Variants in RAD9A observed in about 807,000 individuals in gnomAD.
RAD9A encodes the protein cell cycle checkpoint control protein RAD9A.
Under a neutral mutation model 41.2 loss-of-function variants are expected in RAD9A, and 25 were observed. That is an observed-to-expected ratio of 0.61 (90% CI 0.44 to 0.85). The LOEUF (loss-of-function observed/expected upper bound fraction) is 0.85, where lower values mean the gene tolerates loss of function less well. Among genes scored for constraint, RAD9A ranks in the 40% least tolerant of loss-of-function variants. RAD9A has a pLI of 0.00. For synonymous variants in RAD9A, 252 were observed against 210.6 expected (o/e 1.20, Z -1.70); for missense variants, 514 against 518.3 (o/e 0.99, Z 0.08).
Position 67,395,937 on chromosome 11 carries a change from T to C in RAD9A, c.585T>C (p.Thr195=). 2 of 1,614,176 alleles carry C rather than the reference T, an allele frequency of 1.2e-6. No homozygotes were observed. The highest frequency in any genetic ancestry group is 1.7e-6 in the Non-Finnish European group (2 of 1,180,026). Residue 195 remains threonine, a synonymous_variant, in exon 7 of 11, where the codon ACT becomes ACC. Transcript: ENST00000307980. ...EADSTAKAMV[T]EMCLGEEDFQ... ...ACAGCACTGCCAAAGCCATGGTGAC[T>C]GAGATGTGCCTTGGAGAGGAGGATT...
At chr11:67,395,607 G>T in intron 5 of RAD9A, 109 bp from the exon 6 acceptor site, 1 of 821,614 alleles carries the variant, frequency 1.2e-6, no homozygotes, top group Non-Finnish European at 1.9e-6. Flanking sequence ...GGTGCGCTAG[G>T]CCTGCGCACA....
chr11:67,397,133 C>T (rs1862728102), intron 9 of RAD9A, 46 bp from the exon 10 acceptor site: 3 of 1,480,240 alleles, frequency 2.0e-6, no homozygotes, highest in East Asian at 2.3e-5. Context: ...GGGGCCCTGC[C>T]TCTGCTCCCC....
intron 5 of RAD9A, 116 bp downstream of exon 5, chr11:67,393,906 C>G (rs1329837355): frequency 5.6e-6 from 5 of 888,584 alleles, no homozygotes; most frequent in Non-Finnish European, 8.3e-6. Flanking sequence ...TTTCTGTGAA[C>G]CTCAAAGACA....
intron 2 of RAD9A, 82 bp from the exon 3 acceptor site, chr11:67,392,572 A>G (rs910012230): frequency 2.1e-5 from 32 of 1,552,838 alleles, no homozygotes; most frequent in African/African-American, 1.4e-5. Context: ...CGATAGGGCA[A>G]GTGTGTGAGC....
intron 2 of RAD9A, 28 bp downstream of exon 2, chr11:67,392,259 T>TTGGTGGGGGGGGGGGGGG: frequency 2.1e-6 from 1 of 484,302 alleles, no homozygotes; most frequent in Non-Finnish European, 4.1e-6. Flanking sequence ...GGGGGGCGGG[T>TTGGTGGGGGGGGGGGGGG]GGGACTCCAG....
At chr11:67,392,977 C>A in intron 3 of RAD9A, 195 bp downstream of exon 3, 1 of 852,222 alleles carries the variant, frequency 1.2e-6, no homozygotes, top group Non-Finnish European at 1.7e-6. Context: ...TCAAGTTCGT[C>A]AAGAAAGGTA....
chr11:67,392,062 G>A lies in RAD9A; in HGVS notation c.18G>A (p.Thr6=), dbSNP rs757856649. 37 of 1,583,702 alleles carry A rather than the reference G, an allele frequency of 2.3e-5. No homozygotes were observed. Among genetic ancestry groups the A allele is most frequent in the Non-Finnish European group, 1.2e-5 (14 of 1,166,900 alleles). Reference sequence around the variant, plus strand: ...GGGGCAGCATGAAGTGCCTGGTCACGGGCGGCAACGTGAAGGGTGAGTGCA... The same window carrying A: ...GGGGCAGCATGAAGTGCCTGGTCACAGGCGGCAACGTGAAGGGTGAGTGCA... MKCLV[T]GGNVKVLGKA... is the part of the protein sequence containing the mutation. Residue 6 remains threonine (T), a synonymous_variant, in exon 1 of 11, where the codon ACG becomes ACA. Coordinates refer to ENST00000307980, the MANE Select transcript of RAD9A (RefSeq NM_004584.3).
chr11:67,395,711 C>T lies in RAD9A; in HGVS notation c.450-5C>T. On this transcript the variant is annotated splice_polypyrimidine_tract_variant and splice_region_variant and intron_variant, in intron 5 of 10. Transcript: ENST00000307980. ...ATTTCGGGTAATGCTCCACCCTGTTCACAGGGTTCTGGGGGAGGCTGTTCT... is the reference window on the plus strand; with the variant it reads ...ATTTCGGGTAATGCTCCACCCTGTTTACAGGGTTCTGGGGGAGGCTGTTCT... 6.3e-7 allele frequency: 1 copy of T among 1,590,182 alleles called. No individual in the cohort carries two copies. Among genetic ancestry groups the T allele is most frequent in the Non-Finnish European group, 8.6e-7 (1 of 1,166,562 alleles).
chr11:67,392,163 C>A lies in RAD9A; in HGVS notation c.37C>A (p.Leu13Ile). The A allele has an allele frequency of 1.2e-6, 2 of 1,610,840 alleles. No individual in the cohort carries two copies. The highest frequency in any genetic ancestry group is 1.7e-6 in the Non-Finnish European group (2 of 1,178,972). Residue 13 changes from leucine (L) to isoleucine (I), a missense_variant and splice_region_variant, in exon 2 of 11, where the codon CTC (leucine) becomes ATC (isoleucine). Leu to Ile is a conservative substitution (Grantham distance 5). Transcript: ENST00000307980. ...CCCTTCCGCTCTTCTCCCCGCAGTG[C>A]TCGGCAAGGCCGTCCACTCCCTGTC... ...CLVTGGNVKV[L>I]GKAVHSLSRI... is the part of the protein sequence containing the mutation.
chr11:67,397,946 GCC>G lies in RAD9A; in HGVS notation c.*388_*389del, dbSNP rs1453938792. 4 of 235,382 alleles carry G rather than the reference GCC, an allele frequency of 1.7e-5. No individual in the cohort carries two copies. In the East Asian group the frequency reaches 4.8e-4, roughly 28 times the overall value. The allele number at this position is 235,382 out of a possible 1,614,324, so 14.6% of individuals were successfully genotyped here. A position where few individuals can be genotyped will look rare whatever the true frequency, so the allele number is the denominator to read the frequency against. Reference sequence around the variant, plus strand: ...TGGCCCCTGGTGATCCAGCTTCTCTGCCAATCATGACCTGTTCCTTCCTGAAG... The same window carrying G: ...TGGCCCCTGGTGATCCAGCTTCTCTGAATCATGACCTGTTCCTTCCTGAAG... On this transcript the variant is annotated 3_prime_UTR_variant, in exon 11 of 11. Coordinates refer to ENST00000307980, the MANE Select transcript of RAD9A (RefSeq NM_004584.3).
At position 67,397,270 on chromosome 11, in the gene RAD9A, C is replaced by T. The variant is rs964063385; in HGVS notation, c.964C>T (p.Leu322=). The T allele has an allele frequency of 3.1e-6, 5 of 1,610,214 alleles. No homozygotes were observed. The Admixed American group carries it at 5.0e-5, about 16-fold the overall frequency. ...TATAGGCAATGAGGGCTCGCGGGTG[C>T]TGCCCTCCATTTCCCTTTCACCTGG... ...TTIGNEGSRV[L]PSISLSPGPQ... is the part of the protein sequence containing the mutation. Residue 322 remains leucine (L), a synonymous_variant, in exon 10 of 11, where the codon CTG becomes TTG. Coordinates refer to ENST00000307980, the MANE Select transcript of RAD9A (RefSeq NM_004584.3).
chr11:67,396,311 C>T lies in RAD9A; in HGVS notation c.783C>T (p.Val261=). 2 of 1,614,066 alleles carry T rather than the reference C, an allele frequency of 1.2e-6. No individual in the cohort carries two copies. Among genetic ancestry groups the T allele is most frequent in the Non-Finnish European group, 1.7e-6 (2 of 1,180,006 alleles). ...ACTCTTTGCTGGACGGCCACTTTGTCTTGGCCACACTCTCAGACACCGACT... is the reference window on the plus strand; with the variant it reads ...ACTCTTTGCTGGACGGCCACTTTGTTTTGGCCACACTCTCAGACACCGACT... The part of the protein sequence containing the change: ...IKDSLLDGHF[V]LATLSDTDSH... The change falls in exon 9 of 11, where the codon GTC becomes GTT. Residue 261 remains valine (V), a synonymous_variant. Coordinates refer to ENST00000307980, the MANE Select transcript of RAD9A (RefSeq NM_004584.3).
chr11:67,396,952 T>G (rs1357044081), intron 9 of RAD9A, among the ~76,000 whole-genome samples: 1 of 152,080 alleles, frequency 6.6e-6, no homozygotes, highest in Non-Finnish European at 1.5e-5. Context: ...CCGGGATGCC[T>G]CCCTCAGGCC....
At chr11:67,393,834 T>A in intron 5 of RAD9A, 44 bp downstream of exon 5, 1 of 1,481,288 alleles carries the variant, frequency 6.8e-7, no homozygotes, top group African/African-American at 1.4e-5. Flanking sequence ...GTCTCTCTCT[T>A]CCTTCTTTGG....
At position 67,398,072 on chromosome 11, in the gene RAD9A, C is replaced by T. The variant is rs577540380; in HGVS notation, c.*513C>T. The T allele has an allele frequency of 6.7e-4, 136 of 204,340 alleles. 1 individual carries two copies. Among genetic ancestry groups the T allele is most frequent in the South Asian group, 5.8e-3 (70 of 12,010 alleles). The allele number at this position is 204,340 out of a possible 1,614,324, so 12.7% of individuals were successfully genotyped here. On this transcript the variant is annotated 3_prime_UTR_variant, in exon 11 of 11. Coordinates refer to ENST00000307980, the MANE Select transcript of RAD9A (RefSeq NM_004584.3). ...CTTGGAATTCTAAGAGCCTTGGACCCGAGTGTGTGGCTAGGGTTGCCCTGG... is the reference window on the plus strand; with the variant it reads ...CTTGGAATTCTAAGAGCCTTGGACCTGAGTGTGTGGCTAGGGTTGCCCTGG...
intron 5 of RAD9A, among the ~76,000 whole-genome samples, chr11:67,394,544 T>G (rs1862623713): frequency 6.6e-6 from 1 of 152,188 alleles, no homozygotes; most frequent in Non-Finnish European, 1.5e-5. Flanking sequence ...CCCCAGGTTC[T>G]TTTGAGCCAG....
chr11:67,395,576 CCTT>C, intron 5 of RAD9A, 137 bp from the exon 6 acceptor site: 1 of 668,980 alleles, frequency 1.5e-6, no homozygotes, highest in Non-Finnish European at 2.5e-6. Context: ...CTCCCTGCCA[CCTT>C]CTCTGGGCCT....
chr11:67,392,956 G>T, intron 3 of RAD9A, 174 bp downstream of exon 3: 1 of 983,846 alleles, frequency 1.0e-6, no homozygotes, highest in Non-Finnish European at 1.5e-6. Flanking sequence ...GACCTGAGAG[G>T]GTGGTGACGC....
chr11:67,397,667 A>G lies in RAD9A; in HGVS notation c.*108A>G. ...GGGATCAGAAAGGTGGGCTTGCTGGAGCTGAGCTGTTTCACTGCCTCTCGC... is the reference window on the plus strand; with the variant it reads ...GGGATCAGAAAGGTGGGCTTGCTGGGGCTGAGCTGTTTCACTGCCTCTCGC... On this transcript the variant is annotated 3_prime_UTR_variant, in exon 11 of 11. Transcript: ENST00000307980. The G allele has an allele frequency of 9.5e-7, 1 of 1,052,542 alleles. No homozygotes were observed. The highest frequency in any genetic ancestry group is 1.4e-6 in the Non-Finnish European group (1 of 735,256). The allele number at this position is 1,052,542 out of a possible 1,614,324, so 65.2% of individuals were successfully genotyped here. A position where few individuals can be genotyped will look rare whatever the true frequency, so the allele number is the denominator to read the frequency against.
Sources: gnomAD v4.1 joint callset for allele counts (sites outside exome capture counted in the v4.1 genomes callset) on GRCh38, gnomAD v4.1.1 for gene constraint, MANE v1.5 for transcripts, NCBI Gene and HGNC (gene_info 2026-07-23, HGNC 2026-07-21) for gene names.